Variants in XIRP2 observed in about 807,000 individuals in gnomAD.
The protein encoded by XIRP2 is xin actin-binding repeat-containing protein 2.
XIRP2 carries 236 observed loss-of-function variants against 277.0 expected under a neutral mutation model. The observed-to-expected ratio is 0.85, with a 90% CI of 0.77 to 0.95. XIRP2 has a LOEUF of 0.95. Ranked by LOEUF, XIRP2 falls within the 40% of genes least tolerant of loss-of-function variation. The pLI, the probability that XIRP2 is intolerant of heterozygous loss-of-function variation, is 0.00. For synonymous variants in XIRP2, 1,490 were observed against 1,416.5 expected (o/e 1.05, Z -1.17); for missense variants, 4,640 against 4,157.5 (o/e 1.12, Z -3.19).
intron 2 of XIRP2, among the ~76,000 whole-genome samples, chr2:167,018,398 A>C (rs1574168168): frequency 6.6e-6 from 1 of 152,018 alleles, no homozygotes; most frequent in Admixed American, 6.6e-5. Flanking sequence ...ATTGGTTATG[A>C]AAAAGGCATT....
At chr2:166,937,091 T>A (rs910188314) in intron 2 of XIRP2, among the ~76,000 whole-genome samples, 1 of 151,754 alleles carries the variant, frequency 6.6e-6, no homozygotes, top group Non-Finnish European at 1.5e-5. Context: ...TATTTCTTTC[T>A]CCTGCCTGAT....
intron 2 of XIRP2, among the ~76,000 whole-genome samples, chr2:167,111,627 G>A (rs1311065949): frequency 2.7e-5 from 4 of 149,102 alleles, no homozygotes; most frequent in Non-Finnish European, 5.9e-5. Context: ...CTGGCTGAAC[G>A]TTTTCTTTTT....
At chr2:167,176,542 T>C (rs1692852566) in intron 3 of XIRP2, among the ~76,000 whole-genome samples, 1 of 152,230 alleles carries the variant, frequency 6.6e-6, no homozygotes, top group Non-Finnish European at 1.5e-5. Context: ...CTGTGTTTTC[T>C]TTTATGGTAG....
At chr2:167,233,021 T>C (rs80199550) in intron 5 of XIRP2, among the ~76,000 whole-genome samples, 2,140 of 152,024 alleles carry the variant, frequency 0.014, 36 homozygotes, top group Admixed American at 0.034. Context: ...TGTGTCCAAT[T>C]CTATGATAGA....
At position 166,948,383 on chromosome 2, in the gene XIRP2, A is replaced by T. The variant is rs182721315; in HGVS notation, c.408+44493A>T. On this transcript the variant is annotated intron_variant, in intron 2 of 10. Coordinates refer to ENST00000409195, the MANE Select transcript of XIRP2 (RefSeq NM_152381.6). ...GAACCTAAAACTTCTCTCTAAAAAA[A>T]ATCTATTTTAAAAAGTCTACTATGT... Among the ~76,000 whole-genome samples, 127 of 152,220 alleles carry T rather than the reference A, an allele frequency of 8.3e-4. 1 individual carries two copies. The East Asian group carries it at 0.01, about 13-fold the overall frequency.
chr2:167,194,132 A>G (rs1053535766), intron 3 of XIRP2, among the ~76,000 whole-genome samples: 6 of 150,300 alleles, frequency 4.0e-5, no homozygotes, highest in Admixed American at 1.3e-4. Context: ...CCCAGGCTGG[A>G]GTGCAATGGT....
chr2:167,156,212 A>G (rs1212682807), intron 3 of XIRP2, among the ~76,000 whole-genome samples: 1 of 152,098 alleles, frequency 6.6e-6, no homozygotes, highest in Non-Finnish European at 1.5e-5. Context: ...CCATCAAGCT[A>G]CCAATGACTT....
chr2:167,112,068 T>A (rs969185271), intron 2 of XIRP2, among the ~76,000 whole-genome samples: 6 of 152,130 alleles, frequency 3.9e-5, no homozygotes, highest in Non-Finnish European at 8.8e-5. Flanking sequence ...GCTTTACTAA[T>A]CTAACTAGTG....
chr2:166,912,776 G>T (rs1684747080), intron 2 of XIRP2, among the ~76,000 whole-genome samples: 1 of 152,162 alleles, frequency 6.6e-6, no homozygotes, highest in South Asian at 2.1e-4. Context: ...ACATACAGAT[G>T]GGGATTTGGT....
intron 2 of XIRP2, among the ~76,000 whole-genome samples, chr2:167,046,527 G>A (rs1160328270): frequency 6.6e-6 from 1 of 151,978 alleles, no homozygotes; most frequent in East Asian, 1.9e-4. Flanking sequence ...CAACCTAGAT[G>A]CCCATCAGTG....
rs1695121946 is a variant in XIRP2, at chr2:167,243,006, T to C, written c.1614T>C (p.Asp538=). 2 of 1,614,086 alleles carry C rather than the reference T, an allele frequency of 1.2e-6. No homozygotes were observed. Among genetic ancestry groups the C allele is most frequent in the Admixed American group, 1.7e-5 (1 of 60,006 alleles). The change falls in exon 9 of 11, where the codon GAT becomes GAC. Residue 538 remains aspartate, a synonymous_variant. Coordinates refer to ENST00000409195, the MANE Select transcript of XIRP2 (RefSeq NM_152381.6). ...ACTCAGGGAGTTCAGTCTCAGCAGA[T>C]GTGCAACAAGCCCGGTATGTTTTTG... ...QMNSGSSVSA[D]VQQARYVFEN...
rs1276883297 is a variant in XIRP2, at chr2:167,246,445, G to T, written c.5053G>T (p.Gly1685Ter). The change falls in exon 9 of 11, where the codon GGA becomes TGA. Residue 1685 changes from glycine (G) to a stop codon, truncating the protein, a stop_gained. Transcript: ENST00000409195. LOFTEE classifies it high-confidence loss of function. ...CATCTTAATTCAGGAAGATGAAAAA[G>T]GAGATATTAACATGACTATCTATTG... ...KGILIQEDEK[G>*]DINMTIYCLL... The T allele has an allele frequency of 1.4e-5, 23 of 1,613,592 alleles. No individual in the cohort carries two copies. The highest frequency in any genetic ancestry group is 1.9e-5 in the Non-Finnish European group (23 of 1,179,802).
In XIRP2 at chr2:167,026,617, G is replaced by T. The variant is rs182897097; in HGVS notation, c.409-109292G>T. ...CCAGTTGTTCCTTTCCATGTTTACT[G>T]CTTCCTTCAGGAGCTCTTTTAGGGC... On this transcript the variant is annotated intron_variant, in intron 2 of 10. Transcript: ENST00000409195. 9.4e-3 allele frequency among the ~76,000 whole-genome samples: 1,430 copies of T among 152,128 alleles called. 22 individuals are homozygous for T. Among genetic ancestry groups the T allele is most frequent in the African/African-American group, 0.032 (1,340 of 41,522 alleles).
intron 5 of XIRP2, 96 bp downstream of exon 5, chr2:167,218,396 A>G (rs1343759530): frequency 8.7e-7 from 1 of 1,151,768 alleles, no homozygotes; most frequent in East Asian, 2.9e-5. Flanking sequence ...TGATACATTT[A>G]TTTTCATTAC....
At chr2:167,195,033 AAC>A (rs1262899527) in intron 3 of XIRP2, among the ~76,000 whole-genome samples, 4 of 152,164 alleles carry the variant, frequency 2.6e-5, no homozygotes, top group Non-Finnish European at 5.9e-5. Flanking sequence ...TGAAAACTGC[AAC>A]ACACTAAAAA....
intron 10 of XIRP2, among the ~76,000 whole-genome samples, chr2:167,255,742 A>G (rs1695637687): frequency 6.6e-6 from 1 of 151,764 alleles, no homozygotes; most frequent in Non-Finnish European, 1.5e-5. Context: ...ACCAATGCTT[A>G]CCTTGATGTT....
intron 2 of XIRP2, among the ~76,000 whole-genome samples, chr2:167,031,414 G>T (rs894947459): frequency 1.3e-5 from 2 of 152,018 alleles, no homozygotes; most frequent in South Asian, 2.1e-4. Context: ...CTTGGCATTT[G>T]CTTGTCTTTA....
chr2:167,049,973 T>A (rs1013844163), intron 2 of XIRP2, among the ~76,000 whole-genome samples: 11 of 152,016 alleles, frequency 7.2e-5, no homozygotes, highest in Non-Finnish European at 1.5e-5. Flanking sequence ...AGGCTTTGAT[T>A]TGGGAAAAAC....
In XIRP2 at chr2:167,249,686, C is replaced by A; in HGVS notation, c.8294C>A (p.Ser2765Tyr). ...EASTECSHKQ[S>Y]LAERHYQLPK... The stretch of plus-strand genomic sequence containing the variant: ...AGCACTGAATGTAGTCATAAGCAAT[C>A]TCTGGCTGAAAGACATTATCAGTTA... Residue 2765 changes from serine (S) to tyrosine (Y), a missense_variant, in exon 9 of 11, where the codon TCT (serine) becomes TAT (tyrosine). Coordinates refer to ENST00000409195, the MANE Select transcript of XIRP2 (RefSeq NM_152381.6). The A allele has an allele frequency of 6.2e-7, 1 of 1,613,460 alleles. No homozygotes were observed. The highest frequency in any genetic ancestry group is 8.5e-7 in the Non-Finnish European group (1 of 1,179,756).
Sources: allele counts gnomAD v4.1 joint callset (sites outside exome capture counted in the v4.1 genomes callset), GRCh38; gene constraint gnomAD v4.1.1; transcripts MANE v1.5; gene names NCBI Gene and HGNC (gene_info 2026-07-23, HGNC 2026-07-21).